GBE1: variants seen among roughly 807,000 people sequenced by gnomAD.
GBE1 encodes the protein 1,4-alpha-glucan-branching enzyme.
In GBE1, 70 loss-of-function variants were observed where a neutral mutation model predicts 88.8. The ratio of observed to expected loss-of-function variants is 0.79; its 90% CI spans 0.65 to 0.96. GBE1 has a LOEUF of 0.96. GBE1 is among the 40% of genes least tolerant of loss of function. GBE1 has a pLI of 0.00. For synonymous variants in GBE1, 284 were observed against 300.1 expected, an observed-to-expected ratio of 0.95 and a Z score of 0.56; for missense variants, 872 against 871.0, an observed-to-expected ratio of 1.00 and a Z score of -0.01.
chr3:81,709,005 G>A (rs1201847371), intron 1 of GBE1, among the ~76,000 whole-genome samples: 1 of 152,136 alleles, frequency 6.6e-6, no homozygotes, highest in Non-Finnish European at 1.5e-5. Context: ...AAATTGCAAA[G>A]CTGATGATAA....
rs544689795 is a variant in GBE1, at chr3:81,576,207, G to A, written c.1618+1718C>T. Among the ~76,000 whole-genome samples, 104 of 151,724 alleles carry A rather than the reference G, an allele frequency of 6.9e-4. 1 individual carries two copies. The Middle Eastern group carries it at 0.014, about 20-fold the overall frequency. ...TATTACATTGTATGATGAAGGTAAT[G>A]CATTAGGCAATGTATCATACTTACT... On this transcript the variant is annotated intron_variant, in intron 12 of 15. Coordinates refer to ENST00000429644, the MANE Select transcript of GBE1 (RefSeq NM_000158.4).
At chr3:81,493,257 TA>T (rs1404219845) in intron 15 of GBE1, among the ~76,000 whole-genome samples, 1 of 152,134 alleles carries the variant, frequency 6.6e-6, no homozygotes, top group Non-Finnish European at 1.5e-5. Flanking sequence ...ACAATGCAGG[TA>T]AAAAGACCCT....
At chr3:81,592,991 T>C (rs1419552145) in intron 8 of GBE1, among the ~76,000 whole-genome samples, 1 of 152,188 alleles carries the variant, frequency 6.6e-6, no homozygotes, top group South Asian at 2.1e-4. Context: ...CTTTTCAAGA[T>C]TTACAGTCAC....
At chr3:81,632,649 T>C (rs966340389) in intron 7 of GBE1, among the ~76,000 whole-genome samples, 2 of 152,120 alleles carry the variant, frequency 1.3e-5, no homozygotes, top group East Asian at 3.8e-4. Context: ...GTGTGGAGAT[T>C]CCTCAAGGAT....
At chr3:81,501,473 A>C (rs1702584913) in intron 14 of GBE1, among the ~76,000 whole-genome samples, 1 of 152,064 alleles carries the variant, frequency 6.6e-6, no homozygotes, top group Non-Finnish European at 1.5e-5. Flanking sequence ...TTCAGCTCAA[A>C]ATAATCAATA....
chr3:81,707,126 C>A (rs1031391771), intron 1 of GBE1, among the ~76,000 whole-genome samples: 1 of 151,858 alleles, frequency 6.6e-6, no homozygotes, highest in African/African-American at 2.4e-5. Context: ...AAAGAGCATA[C>A]AATGTTTTAA....
At chr3:81,513,592 G>T (rs1702754377) in intron 14 of GBE1, among the ~76,000 whole-genome samples, 1 of 151,004 alleles carries the variant, frequency 6.6e-6, no homozygotes, top group South Asian at 2.1e-4. Flanking sequence ...AAAACAAAAA[G>T]TAGGACAATA....
intron 1 of GBE1, among the ~76,000 whole-genome samples, chr3:81,711,713 C>A (rs967370219): frequency 9.0e-4 from 137 of 152,078 alleles, no homozygotes; most frequent in Admixed American, 2.4e-3. Flanking sequence ...TAGAAGAAAA[C>A]CTAGGCAATA....
At chr3:81,534,166 T>G (rs1445249533) in intron 14 of GBE1, among the ~76,000 whole-genome samples, 1 of 151,980 alleles carries the variant, frequency 6.6e-6, no homozygotes, top group Non-Finnish European at 1.5e-5. Context: ...TTCTATTGCC[T>G]GCTTGAAAAA....
chr3:81,653,968 G>A (rs915447182), intron 3 of GBE1, among the ~76,000 whole-genome samples: 1 of 152,086 alleles, frequency 6.6e-6, no homozygotes, highest in African/African-American at 2.4e-5. Flanking sequence ...CATCTGCAGA[G>A]TGTGCTACTT....
At chr3:81,659,044 G>A (rs1559678914) in intron 3 of GBE1, among the ~76,000 whole-genome samples, 1 of 152,024 alleles carries the variant, frequency 6.6e-6, no homozygotes, top group East Asian at 1.9e-4. Context: ...ATGAAAAGGG[G>A]AAAAAATCAG....
chr3:81,750,009 A>T (rs74551007), intron 1 of GBE1, among the ~76,000 whole-genome samples: 6,188 of 152,272 alleles, frequency 0.041, 169 homozygotes, highest in Non-Finnish European at 0.063. Context: ...TTTTAATTAA[A>T]GGCACTTTGG....
chr3:81,600,501 C>T (rs1028382662), intron 7 of GBE1, among the ~76,000 whole-genome samples: 1 of 151,948 alleles, frequency 6.6e-6, no homozygotes, highest in Non-Finnish European at 1.5e-5. Flanking sequence ...GATTATAGGC[C>T]TGAGCCATGG....
intron 11 of GBE1, 74 bp from the exon 12 acceptor site, chr3:81,578,170 G>T: frequency 9.7e-7 from 1 of 1,027,450 alleles, no homozygotes; most frequent in South Asian, 1.6e-5. Flanking sequence ...ATAGAACAAT[G>T]CATGGTTACA....
intron 12 of GBE1, among the ~76,000 whole-genome samples, chr3:81,571,778 G>A (rs62265427): frequency 0.15 from 22,935 of 152,022 alleles, 1,882 homozygotes; most frequent in Non-Finnish European, 0.2. Flanking sequence ...TTACCTATAC[G>A]TTATGAAACT....
chr3:81,624,924 G>A (rs1576174548), intron 7 of GBE1, among the ~76,000 whole-genome samples: 1 of 152,128 alleles, frequency 6.6e-6, no homozygotes, highest in African/African-American at 2.4e-5. Flanking sequence ...CTTTCTAGCA[G>A]CAGCCACTTT....
In GBE1 at chr3:81,642,893, T is replaced by C. The variant is rs1704705907; in HGVS notation, c.880A>G (p.Lys294Glu). ...LLDVVHSHAS[K>E]NSADGLNMFD... ...ATATTCAATCCATCTGCTGAATTTT[T>C]TGAAGCATGGCTGTGTACCACATCT... The change falls in exon 7 of 16, where the codon AAA (lysine) becomes GAA (glutamate). Residue 294 changes from lysine (K) to glutamate (E), a missense_variant. Physicochemically the swap from Lys to Glu is moderately conservative, Grantham distance 56 (BLOSUM62 1). Coordinates refer to ENST00000429644, the MANE Select transcript of GBE1 (RefSeq NM_000158.4). 6.2e-7 allele frequency: 1 copy of C among 1,613,134 alleles called. No homozygotes were observed. The highest frequency in any genetic ancestry group is 1.1e-5 in the South Asian group (1 of 91,052).
At chr3:81,620,336 C>T (rs1358430731) in intron 7 of GBE1, among the ~76,000 whole-genome samples, 3 of 151,996 alleles carry the variant, frequency 2.0e-5, no homozygotes, top group Admixed American at 6.6e-5. Flanking sequence ...GGGCCTGCCA[C>T]CACGCCCGGC....
At chr3:81,685,197 C>T (rs941412580) in intron 2 of GBE1, among the ~76,000 whole-genome samples, 3 of 152,144 alleles carry the variant, frequency 2.0e-5, no homozygotes, top group Non-Finnish European at 4.4e-5. Context: ...TTCTATTTCA[C>T]AGAGAAAACG....
Sources: gnomAD v4.1 joint callset for allele counts (sites outside exome capture counted in the v4.1 genomes callset) on GRCh38, gnomAD v4.1.1 for gene constraint, MANE v1.5 for transcripts, NCBI Gene and HGNC (gene_info 2026-07-23, HGNC 2026-07-21) for gene names.